Variants in ITSN1 observed in about 807,000 individuals in gnomAD.
The protein encoded by ITSN1 is intersectin 1.
A neutral mutation model predicts 239.8 loss-of-function variants in ITSN1; 58 were observed. That is an observed-to-expected ratio of 0.24 (90% CI 0.20 to 0.30). The LOEUF (loss-of-function observed/expected upper bound fraction) is 0.30, where lower values mean the gene tolerates loss of function less well. ITSN1 is among the 10% of genes least tolerant of loss of function. The pLI is 1.00. For synonymous variants in ITSN1, 780 were observed against 770.8 expected (o/e 1.01, Z -0.20); for missense variants, 1,558 against 2,103.3 (o/e 0.74, Z 5.07).
At chr21:33,724,771 G>A (rs1193748121) in intron 4 of ITSN1, among the ~76,000 whole-genome samples, 1 of 152,076 alleles carries the variant, frequency 6.6e-6, no homozygotes, top group Non-Finnish European at 1.5e-5. Flanking sequence ...GTCACATGGT[G>A]GTAAGTGTGG....
At chr21:33,794,201 TC>T (rs2148012469) in intron 16 of ITSN1, 139 bp from the exon 17 acceptor site, 1 of 632,256 alleles carries the variant, frequency 1.6e-6, no homozygotes, top group East Asian at 2.8e-5. Flanking sequence ...ATTCTAGCTT[TC>T]CAAGTTGACT....
chr21:33,791,661 C>G (rs1338203386), intron 16 of ITSN1, among the ~76,000 whole-genome samples: 1 of 152,046 alleles, frequency 6.6e-6, no homozygotes, highest in African/African-American at 2.4e-5. Context: ...TATCCAGTTA[C>G]AAGAGCCTAG....
At position 33,717,613 on chromosome 21, in the gene ITSN1, G is replaced by T. The variant is rs370408803; in HGVS notation, c.-32-1184G>T. On this transcript the variant is annotated intron_variant, in intron 1 of 39. Coordinates refer to ENST00000381318, the MANE Select transcript of ITSN1 (RefSeq NM_003024.3). ...CTAAGTCACCCAGGCTGGAGTGCAG[G>T]GGTGCAATCTCGGCTCACTGCAAGC... Among the ~76,000 whole-genome samples the T allele has an allele frequency of 5.3e-5, 8 of 151,948 alleles. No individual in the cohort carries two copies. The East Asian group carries it at 1.2e-3, about 22-fold the overall frequency.
At position 33,898,183 on chromosome 21, in the gene ITSN1, G is replaced by A. The variant is rs997869716; in HGVS notation, c.*9883G>A. ...CTGACGCAGCTATCCCACTAGAGAG[G>A]CCACTCTCTGACTTCCAGGTCGCCC... On this transcript the variant is annotated 3_prime_UTR_variant, in exon 40 of 40. Coordinates refer to ENST00000381318, the MANE Select transcript of ITSN1 (RefSeq NM_003024.3). The A allele has an allele frequency of 6.6e-6, 1 of 152,196 alleles. No homozygotes were observed. The highest frequency in any genetic ancestry group is 2.4e-5 in the African/African-American group (1 of 41,436). The allele number at this position is 152,196 out of a possible 1,614,324, so 9.4% of individuals were successfully genotyped here.
chr21:33,695,269 C>T (rs1346889251), intron 1 of ITSN1, among the ~76,000 whole-genome samples: 1 of 152,214 alleles, frequency 6.6e-6, no homozygotes, highest in South Asian at 2.1e-4. Flanking sequence ...TGAGGCCTTA[C>T]CTCTTTCCTT....
intron 5 of ITSN1, among the ~76,000 whole-genome samples, chr21:33,746,561 C>G (rs1185636948): frequency 6.6e-6 from 1 of 152,204 alleles, no homozygotes; most frequent in African/African-American, 2.4e-5. Flanking sequence ...CAATAACTGG[C>G]CGGCCACAGT....
At chr21:33,867,501 T>C (rs1385020845) in intron 33 of ITSN1, among the ~76,000 whole-genome samples, 170 bp downstream of exon 33, 1 of 151,902 alleles carries the variant, frequency 6.6e-6, no homozygotes, top group Non-Finnish European at 1.5e-5. Flanking sequence ...GAAAAGCTGG[T>C]TTATCACGCA....
At chr21:33,701,923 C>G (rs2092029596) in intron 1 of ITSN1, among the ~76,000 whole-genome samples, 1 of 151,758 alleles carries the variant, frequency 6.6e-6, no homozygotes, top group Non-Finnish European at 1.5e-5. Flanking sequence ...GAAAAATTAG[C>G]TGGGCGTGGT....
At chr21:33,701,068 A>G (rs1033757098) in intron 1 of ITSN1, among the ~76,000 whole-genome samples, 3 of 151,362 alleles carry the variant, frequency 2.0e-5, no homozygotes, top group Admixed American at 6.6e-5. Context: ...AATGCCACCA[A>G]TCCATGTTGC....
At chr21:33,762,511 C>T (rs1026362905) in intron 9 of ITSN1, among the ~76,000 whole-genome samples, 5 of 152,024 alleles carry the variant, frequency 3.3e-5, no homozygotes, top group African/African-American at 7.2e-5. Context: ...ATGATCCACC[C>T]GCCTCAGCCT....
chr21:33,760,846 G>C (rs925977123), intron 8 of ITSN1, among the ~76,000 whole-genome samples: 1 of 152,136 alleles, frequency 6.6e-6, no homozygotes, highest in Admixed American at 6.6e-5. Flanking sequence ...ACCACATCTT[G>C]AGAGGCAGTG....
At chr21:33,850,745 A>C (rs1334601698) in intron 29 of ITSN1, among the ~76,000 whole-genome samples, 1 of 152,208 alleles carries the variant, frequency 6.6e-6, no homozygotes, top group Non-Finnish European at 1.5e-5. Flanking sequence ...TCTTCACGTC[A>C]TATCCATGTG....
intron 27 of ITSN1, among the ~76,000 whole-genome samples, chr21:33,830,483 T>C (rs2074230750): frequency 6.6e-6 from 1 of 151,852 alleles, no homozygotes. Flanking sequence ...TGATGAGCAG[T>C]GGGGAGACCA....
intron 5 of ITSN1, 37 bp downstream of exon 5, chr21:33,735,241 G>A (rs751621821): frequency 2.5e-6 from 4 of 1,588,318 alleles, no homozygotes; most frequent in Admixed American, 1.7e-5. Context: ...GTATTTTCTT[G>A]TATATTTTAA....
At chr21:33,665,931 C>CTT (rs777504321) in intron 1 of ITSN1, among the ~76,000 whole-genome samples, 3 of 139,386 alleles carry the variant, frequency 2.2e-5, no homozygotes. Flanking sequence ...TGTATGGTTC[C>CTT]TTTTTTTTTT....
At chr21:33,693,034 T>C (rs2091620643) in intron 1 of ITSN1, among the ~76,000 whole-genome samples, 1 of 152,154 alleles carries the variant, frequency 6.6e-6, no homozygotes, top group Non-Finnish European at 1.5e-5. Flanking sequence ...TGACCTCATG[T>C]GATCCGCCCA....
At chr21:33,694,344 T>C (rs766542361) in intron 1 of ITSN1, among the ~76,000 whole-genome samples, 2 of 152,242 alleles carry the variant, frequency 1.3e-5, no homozygotes, top group African/African-American at 2.4e-5. Context: ...TTTCATAATT[T>C]ACCTAACTGT....
chr21:33,835,110 A>G (rs1433456893), intron 28 of ITSN1, among the ~76,000 whole-genome samples: 1 of 152,222 alleles, frequency 6.6e-6, no homozygotes, highest in Non-Finnish European at 1.5e-5. Flanking sequence ...TGGAAAGTGT[A>G]GAATTTTTGT....
chr21:33,828,114 G>A (rs947133020), intron 26 of ITSN1, among the ~76,000 whole-genome samples: 7 of 152,218 alleles, frequency 4.6e-5, no homozygotes, highest in Non-Finnish European at 1.0e-4. Flanking sequence ...TGAAGCCCAG[G>A]TGGGCTTTGC....
Sources: allele counts gnomAD v4.1 joint callset (sites outside exome capture counted in the v4.1 genomes callset), GRCh38; gene constraint gnomAD v4.1.1; transcripts MANE v1.5; gene names NCBI Gene and HGNC (gene_info 2026-07-23, HGNC 2026-07-21).